The following GALNT13 variants were observed in gnomAD, a reference collection of about 807,000 sequenced individuals.
GALNT13 encodes the protein polypeptide N-acetylgalactosaminyltransferase 13.
GALNT13 carries 28 observed loss-of-function variants against 64.2 expected under a neutral mutation model. The observed-to-expected ratio is 0.44, with a 90% CI of 0.32 to 0.60. The LOEUF (loss-of-function observed/expected upper bound fraction) is 0.60. Ranked by LOEUF, GALNT13 falls within the 20% of genes least tolerant of loss-of-function variation. GALNT13 has a pLI of 0.05. For missense variants in GALNT13, 577 were observed against 669.8 expected (o/e 0.86, Z 1.53); for synonymous variants, 214 against 224.6 (o/e 0.95, Z 0.42).
At chr2:154,353,554 G>A (rs183194138) in intron 9 of GALNT13, among the ~76,000 whole-genome samples, 15 of 152,148 alleles carry the variant, frequency 9.9e-5, no homozygotes, top group Non-Finnish European at 1.5e-4. Context: ...CTTTGTATTC[G>A]TTGGTATCTC....
chr2:154,327,969 ACTCT>A (rs1160275214), intron 9 of GALNT13, among the ~76,000 whole-genome samples: 3 of 151,730 alleles, frequency 2.0e-5, no homozygotes, highest in African/African-American at 2.4e-5. Flanking sequence ...TGTTAACCTC[ACTCT>A]CCTATTTTAT....
chr2:153,971,778 T>TA (rs1478638339), intron 3 of GALNT13, among the ~76,000 whole-genome samples: 1 of 152,074 alleles, frequency 6.6e-6, no homozygotes, highest in Admixed American at 6.6e-5. Context: ...TGCAAATTGA[T>TA]AAAATATATC....
chr2:153,214,848 AG>A, the GALNT13 span, among the ~76,000 whole-genome samples: 2 of 152,160 alleles, frequency 1.3e-5, no homozygotes, highest in Admixed American at 1.3e-4. Flanking sequence ...TCTAGTTTAC[AG>A]GGATGTTCTA....
the GALNT13 span, among the ~76,000 whole-genome samples, chr2:153,457,249 T>G: frequency 6.6e-6 from 1 of 152,190 alleles, no homozygotes; most frequent in Non-Finnish European, 1.5e-5. Flanking sequence ...TTTGACAACT[T>G]TCATAAAGTA....
At chr2:153,539,547 T>A in the GALNT13 span, among the ~76,000 whole-genome samples, 1 of 151,922 alleles carries the variant, frequency 6.6e-6, no homozygotes, top group Non-Finnish European at 1.5e-5. Context: ...AAGTCTTTAA[T>A]CCATCTTGAA....
intron 4 of GALNT13, among the ~76,000 whole-genome samples, chr2:154,227,842 C>A (rs1688704585): frequency 6.6e-6 from 1 of 151,354 alleles, no homozygotes; most frequent in Non-Finnish European, 1.5e-5. Flanking sequence ...GATAACTTTG[C>A]CACGAAATAT....
chr2:153,599,601 T>C, the GALNT13 span, among the ~76,000 whole-genome samples: 1 of 151,928 alleles, frequency 6.6e-6, no homozygotes, highest in Non-Finnish European at 1.5e-5. Context: ...TAACTAGTAG[T>C]CTCTCAGGCC....
the GALNT13 span, among the ~76,000 whole-genome samples, chr2:153,510,208 C>A: frequency 3.3e-5 from 5 of 152,182 alleles, no homozygotes; most frequent in Non-Finnish European, 7.3e-5. Context: ...CCAATTTCAT[C>A]TCTCCACCCA....
chr2:154,228,651 TCTATTTCC>T (rs1385492053), intron 4 of GALNT13, among the ~76,000 whole-genome samples: 1 of 152,136 alleles, frequency 6.6e-6, no homozygotes, highest in South Asian at 2.1e-4. Context: ...CAGTCTCAAA[TCTATTTCC>T]CTAACTGACT....
At chr2:154,145,107 T>C (rs542942257) in intron 4 of GALNT13, among the ~76,000 whole-genome samples, 89 of 141,162 alleles carry the variant, frequency 6.3e-4, no homozygotes, top group Non-Finnish European at 1.0e-3. Context: ...TATCTATATA[T>C]ATATATATAT....
In GALNT13 at chr2:154,158,132, C is replaced by T. The variant is rs148242238; in HGVS notation, c.311+17627C>T. Among the ~76,000 whole-genome samples, 369 of 152,238 alleles carry T rather than the reference C, an allele frequency of 2.4e-3. 9 individuals are homozygous for T. The East Asian group carries it at 0.055, about 23-fold the overall frequency. ...TTCTCCCCTGATATCGAGAATTGAACATCTCATGGTATTCTGGATATCTTC... is the reference window on the plus strand; with the variant it reads ...TTCTCCCCTGATATCGAGAATTGAATATCTCATGGTATTCTGGATATCTTC... On this transcript the variant is annotated intron_variant, in intron 4 of 12. Transcript: ENST00000392825.
At chr2:153,161,418 G>T in the GALNT13 span, among the ~76,000 whole-genome samples, 1 of 152,212 alleles carries the variant, frequency 6.6e-6, no homozygotes, top group East Asian at 1.9e-4. Flanking sequence ...TGTGTGGTTT[G>T]GGATAGGGAG....
At chr2:153,485,347 T>C in the GALNT13 span, among the ~76,000 whole-genome samples, 1 of 152,246 alleles carries the variant, frequency 6.6e-6, no homozygotes, top group Non-Finnish European at 1.5e-5. Flanking sequence ...CTGTGATTTC[T>C]TTCACTGCTT....
At chr2:154,062,165 T>G (rs1035608345) in intron 3 of GALNT13, among the ~76,000 whole-genome samples, 3 of 152,192 alleles carry the variant, frequency 2.0e-5, no homozygotes, top group African/African-American at 7.2e-5. Context: ...TCTAATAGTT[T>G]TGCCAGACAT....
intron 3 of GALNT13, among the ~76,000 whole-genome samples, chr2:154,075,447 G>A (rs1026711078): frequency 2.0e-5 from 3 of 151,672 alleles, no homozygotes; most frequent in Admixed American, 6.6e-5. Flanking sequence ...ATTAATGCAT[G>A]TAAAAAAGTA....
the GALNT13 span, among the ~76,000 whole-genome samples, chr2:153,392,578 A>G: frequency 4.8e-4 from 73 of 152,182 alleles, no homozygotes; most frequent in African/African-American, 1.7e-3. Context: ...CCCAGAGAAG[A>G]GTTTCTGTTG....
intron 4 of GALNT13, among the ~76,000 whole-genome samples, chr2:154,218,791 T>C (rs138375690): frequency 1.3e-3 from 199 of 152,232 alleles, no homozygotes; most frequent in African/African-American, 4.5e-3. Flanking sequence ...AGATACACAT[T>C]TCTTATCTAT....
At chr2:154,051,541 C>T (rs183284116) in intron 3 of GALNT13, among the ~76,000 whole-genome samples, 1,854 of 152,064 alleles carry the variant, frequency 0.012, 34 homozygotes, top group African/African-American at 0.042. Context: ...CCACCCGCCT[C>T]GGCCTCCCAA....
At chr2:153,925,477 C>G (rs1422050173) in intron 2 of GALNT13, among the ~76,000 whole-genome samples, 1 of 146,272 alleles carries the variant, frequency 6.8e-6, no homozygotes, top group African/African-American at 2.5e-5. Context: ...AGTTTGGCAT[C>G]AGGTAGCATG....
Sources: gnomAD v4.1 joint callset for allele counts (sites outside exome capture counted in the v4.1 genomes callset) on GRCh38, gnomAD v4.1.1 for gene constraint, MANE v1.5 for transcripts, NCBI Gene and HGNC (gene_info 2026-07-23, HGNC 2026-07-21) for gene names.